The following DLGAP2 variants were observed in gnomAD, a reference collection of about 807,000 sequenced individuals.
The protein encoded by DLGAP2 is DLG associated protein 2.
A neutral mutation model predicts 100.3 loss-of-function variants in DLGAP2; 26 were observed. That is an observed-to-expected ratio of 0.26 (90% CI 0.19 to 0.36). DLGAP2 has a LOEUF of 0.36. Among genes scored for constraint, DLGAP2 ranks in the 10% least tolerant of loss-of-function variants. The pLI is 1.00. For missense variants in DLGAP2, 1,858 were observed against 1,453.2 expected, an observed-to-expected ratio of 1.28 and a Z score of -4.53; for synonymous variants, 886 against 630.1, an observed-to-expected ratio of 1.41 and a Z score of -6.08.
At chr8:1,368,598 G>T (rs1409399312) in intron 3 of DLGAP2, 2 of 152,170 alleles carry the variant, frequency 1.3e-5, no homozygotes, top group African/African-American at 4.8e-5. Context: ...AATTAAAAAT[G>T]GATAAAGGCA....
chr8:1,427,178 A>C (rs1797259783), intron 3 of DLGAP2, among the ~76,000 whole-genome samples: 1 of 152,222 alleles, frequency 6.6e-6, no homozygotes. Context: ...AACTAGCATT[A>C]AATTTCATAA....
intron 3 of DLGAP2, among the ~76,000 whole-genome samples, chr8:1,486,400 C>T (rs748601055): frequency 1.3e-5 from 2 of 152,186 alleles, no homozygotes; most frequent in African/African-American, 2.4e-5. Context: ...GCTGTGTCCT[C>T]TCTGGATCTG....
intron 2 of DLGAP2, among the ~76,000 whole-genome samples, chr8:985,088 A>C (rs1800447597): frequency 6.6e-6 from 1 of 152,228 alleles, no homozygotes; most frequent in African/African-American, 2.4e-5. Context: ...TAATGTTTCC[A>C]CGTAGTCATA....
intron 2 of DLGAP2, among the ~76,000 whole-genome samples, chr8:969,338 C>T (rs11997460): frequency 0.033 from 5,025 of 152,192 alleles, 259 homozygotes; most frequent in African/African-American, 0.11. Context: ...TCTTGGGACT[C>T]GTCACCCTCC....
chr8:1,378,877 C>T (rs1018431702), intron 3 of DLGAP2, among the ~76,000 whole-genome samples: 10 of 152,154 alleles, frequency 6.6e-5, no homozygotes, highest in South Asian at 4.1e-4. Context: ...GTGTGGTCGG[C>T]GGGTTCAACA....
intron 4 of DLGAP2, among the ~76,000 whole-genome samples, chr8:1,504,025 G>T (rs897902256): frequency 6.6e-6 from 1 of 152,198 alleles, no homozygotes; most frequent in Non-Finnish European, 1.5e-5. Context: ...GAAGGTGGAC[G>T]CATTGGTTCC....
intron 2 of DLGAP2, among the ~76,000 whole-genome samples, chr8:1,041,711 G>A (rs1418825638): frequency 1.6e-5 from 2 of 125,576 alleles, no homozygotes; most frequent in African/African-American, 6.2e-5. Flanking sequence ...CCTTGCCGTG[G>A]GTGAGTGTTC....
intron 3 of DLGAP2, among the ~76,000 whole-genome samples, chr8:1,269,190 C>A (rs1221429627): frequency 6.6e-6 from 1 of 152,224 alleles, no homozygotes; most frequent in Non-Finnish European, 1.5e-5. Flanking sequence ...CTTCCCTGCC[C>A]TTCTCCTGGA....
At chr8:1,373,110 TG>T (rs544311287) in intron 3 of DLGAP2, among the ~76,000 whole-genome samples, 1 of 151,964 alleles carries the variant, frequency 6.6e-6, no homozygotes, top group East Asian at 1.9e-4. Flanking sequence ...CCTCCGTGCC[TG>T]GGGGGGCGCC....
chr8:1,313,961 G>C (rs1030059610), intron 3 of DLGAP2, among the ~76,000 whole-genome samples: 4 of 152,066 alleles, frequency 2.6e-5, no homozygotes, highest in Admixed American at 6.5e-5. Context: ...TTGGTTATCA[G>C]ATTTTTAAAA....
chr8:1,511,759 C>T (rs1206451160), intron 4 of DLGAP2, among the ~76,000 whole-genome samples: 1 of 151,962 alleles, frequency 6.6e-6, no homozygotes, highest in Non-Finnish European at 1.5e-5. Flanking sequence ...CTTCCATGGA[C>T]GTAAGGTCTG....
intron 3 of DLGAP2, among the ~76,000 whole-genome samples, chr8:1,289,597 A>T (rs1426765307): frequency 2.6e-5 from 4 of 152,156 alleles, no homozygotes; most frequent in African/African-American, 9.7e-5. Context: ...CAGCCTTGGG[A>T]ATATCTGTCC....
intron 3 of DLGAP2, among the ~76,000 whole-genome samples, chr8:1,282,338 CGCCCTGAACCATCTGG>C (rs1799834975): frequency 3.4e-5 from 5 of 146,174 alleles, no homozygotes; most frequent in African/African-American, 5.1e-5. Flanking sequence ...CTGAACCCAG[CGCCCTGAACCATCTGG>C]ACGTGGTGTG....
chr8:1,646,986 G>C (rs1199416660), intron 8 of DLGAP2, among the ~76,000 whole-genome samples: 27 of 152,232 alleles, frequency 1.8e-4, no homozygotes, highest in Admixed American at 1.7e-3. Flanking sequence ...TGAGCGGACA[G>C]TGGAGGAGGA....
At chr8:1,613,339 C>G (rs576025956) in intron 6 of DLGAP2, among the ~76,000 whole-genome samples, 32 of 146,400 alleles carry the variant, frequency 2.2e-4, no homozygotes, top group Admixed American at 7.0e-4. Context: ...GGGAACTGAA[C>G]AATTAGAACA....
intron 2 of DLGAP2, among the ~76,000 whole-genome samples, chr8:989,115 C>T (rs1800575341): frequency 6.6e-6 from 1 of 152,198 alleles, no homozygotes; most frequent in Non-Finnish European, 1.5e-5. Context: ...GACCGCAGTG[C>T]AGTCCCAGCC....
chr8:1,086,440 A>G lies in DLGAP2; in HGVS notation c.74-172411A>G, dbSNP rs563251595. 1.9e-3 allele frequency among the ~76,000 whole-genome samples: 291 copies of G among 152,240 alleles called. 1 individual carries two copies. The highest frequency in any genetic ancestry group is 6.9e-3 in the African/African-American group (287 of 41,550). On this transcript the variant is annotated intron_variant, in intron 2 of 14. Transcript: ENST00000637795. ...TGTTGTATTGAGGTACATTCATTCT[A>G]TATCTAATTTGTTTCTAATCAAAAC...
At chr8:773,556 T>A (rs2132611982) in intron 1 of DLGAP2, among the ~76,000 whole-genome samples, 1 of 142,430 alleles carries the variant, frequency 7.0e-6, no homozygotes, top group East Asian at 2.2e-4. Flanking sequence ...GTCCATGTGA[T>A]CTCATTGTTC....
chr8:769,322 A>G (rs975495169), intron 1 of DLGAP2, among the ~76,000 whole-genome samples: 6 of 152,070 alleles, frequency 3.9e-5, no homozygotes, highest in Non-Finnish European at 8.8e-5. Flanking sequence ...ATCCAGCAGA[A>G]AAACGCTAAC....
Sources: gnomAD v4.1 joint callset for allele counts (sites outside exome capture counted in the v4.1 genomes callset) on GRCh38, gnomAD v4.1.1 for gene constraint, MANE v1.5 for transcripts, NCBI Gene and HGNC (gene_info 2026-07-23, HGNC 2026-07-21) for gene names.